The following KAZN variants were observed in gnomAD, a reference collection of about 807,000 sequenced individuals.
KAZN encodes the protein kazrin, periplakin interacting protein, also known as kazrin.
KAZN carries 40 observed loss-of-function variants against 87.4 expected under a neutral mutation model. The observed-to-expected ratio is 0.46, with a 90% CI of 0.36 to 0.60. The LOEUF is 0.60. Among genes scored for constraint, KAZN ranks in the 20% least tolerant of loss-of-function variants. The pLI, the probability that KAZN is intolerant of heterozygous loss-of-function variation, is 0.00. For synonymous variants in KAZN, 466 were observed against 458.3 expected (o/e 1.02, Z -0.22); for missense variants, 898 against 1,073.9 (o/e 0.84, Z 2.29).
chr1:14,427,406 A>G (rs1354464444), intron 2 of KAZN, among the ~76,000 whole-genome samples: 1 of 152,226 alleles, frequency 6.6e-6, no homozygotes, highest in Non-Finnish European at 1.5e-5. Flanking sequence ...AAGATTGCCT[A>G]ATATGGAGTA....
At chr1:15,059,189 C>G (rs563065753) in intron 5 of KAZN, among the ~76,000 whole-genome samples, 1 of 151,654 alleles carries the variant, frequency 6.6e-6, no homozygotes, top group Non-Finnish European at 1.5e-5. Flanking sequence ...CTCCCTCTTC[C>G]GCCTCCCGAA....
chr1:14,346,475 G>A (rs943972950), intron 2 of KAZN, among the ~76,000 whole-genome samples: 2 of 152,086 alleles, frequency 1.3e-5, no homozygotes, highest in African/African-American at 4.8e-5. Context: ...GGAAAGCTTG[G>A]CAAGATAAGA....
At chr1:14,835,012 T>C (rs1054255848) in intron 1 of KAZN, among the ~76,000 whole-genome samples, 12 of 152,232 alleles carry the variant, frequency 7.9e-5, no homozygotes, top group African/African-American at 2.9e-4. Flanking sequence ...TGTGTTTCTG[T>C]GTTCAGTTAA....
chr1:14,257,795 G>T, intron 2 of KAZN, among the ~76,000 whole-genome samples: 1 of 106,382 alleles, frequency 9.4e-6, no homozygotes, highest in Non-Finnish European at 1.8e-5. Flanking sequence ...GACTGTGGTG[G>T]GGTCGGGGGA....
intron 2 of KAZN, among the ~76,000 whole-genome samples, chr1:15,012,109 A>C (rs962825474): frequency 6.6e-6 from 1 of 152,148 alleles, no homozygotes; most frequent in Non-Finnish European, 1.5e-5. Flanking sequence ...AGGAGCTGCT[A>C]CCATTCCTCG....
intron 2 of KAZN, among the ~76,000 whole-genome samples, chr1:14,540,227 G>A (rs1048610663): frequency 1.3e-5 from 2 of 152,170 alleles, no homozygotes; most frequent in Non-Finnish European, 2.9e-5. Context: ...GTTTTTATGA[G>A]ACCATACGGT....
intron 2 of KAZN, among the ~76,000 whole-genome samples, chr1:14,991,868 A>C (rs1485286843): frequency 6.6e-6 from 1 of 152,220 alleles, no homozygotes; most frequent in East Asian, 1.9e-4. Flanking sequence ...GAGACAGAAC[A>C]TGAGAGGTTC....
At chr1:14,850,404 G>C (rs1452574930) in intron 1 of KAZN, among the ~76,000 whole-genome samples, 1 of 152,138 alleles carries the variant, frequency 6.6e-6, no homozygotes, top group Admixed American at 6.5e-5. Flanking sequence ...TTAAGGCAAA[G>C]AGACTGTATC....
At chr1:14,360,445 A>G (rs1412037893) in intron 2 of KAZN, among the ~76,000 whole-genome samples, 1 of 152,156 alleles carries the variant, frequency 6.6e-6, no homozygotes, top group Non-Finnish European at 1.5e-5. Context: ...ACTTCTGTCA[A>G]TTCATCAAAC....
chr1:14,142,102 C>T (rs1161564937), intron 1 of KAZN, among the ~76,000 whole-genome samples: 1 of 143,702 alleles, frequency 7.0e-6, no homozygotes, highest in East Asian at 2.3e-4. Flanking sequence ...TTTCCTCCCT[C>T]CTTCCCTTTT....
intron 1 of KAZN, among the ~76,000 whole-genome samples, chr1:13,916,023 T>C (rs1425335297): frequency 1.3e-5 from 2 of 151,382 alleles, no homozygotes; most frequent in East Asian, 3.9e-4. Context: ...GGCCGGGGAG[T>C]GGGGGTTCAG....
intron 1 of KAZN, among the ~76,000 whole-genome samples, chr1:13,925,161 G>A (rs756364607): frequency 2.6e-5 from 4 of 152,288 alleles, no homozygotes; most frequent in South Asian, 2.1e-4. Context: ...ATTTCACAGC[G>A]ATGGGATCAT....
intron 1 of KAZN, among the ~76,000 whole-genome samples, chr1:13,920,509 TAAAG>T (rs1250440516): frequency 1.7e-4 from 26 of 151,982 alleles, no homozygotes; most frequent in Admixed American, 1.6e-3. Flanking sequence ...TTGTAAGAGT[TAAAG>T]AAAGAAGAAA....
intron 1 of KAZN, among the ~76,000 whole-genome samples, chr1:14,071,328 G>T (rs1462280017): frequency 6.6e-6 from 1 of 152,116 alleles, no homozygotes; most frequent in Non-Finnish European, 1.5e-5. Flanking sequence ...CCTTGGGCTG[G>T]AGTCTGGGGG....
intron 1 of KAZN, among the ~76,000 whole-genome samples, chr1:14,039,069 G>C (rs1399127352): frequency 6.6e-6 from 1 of 151,968 alleles, no homozygotes; most frequent in African/African-American, 2.4e-5. Flanking sequence ...TACTCGGGAG[G>C]CTAAGGCAAG....
chr1:14,728,024 G>T (rs1326014466), intron 1 of KAZN, among the ~76,000 whole-genome samples: 1 of 151,852 alleles, frequency 6.6e-6, no homozygotes, highest in African/African-American at 2.4e-5. Flanking sequence ...GGTGCCTCAC[G>T]CCTGTAATCC....
At chr1:14,777,376 G>A (rs1291215908) in intron 1 of KAZN, among the ~76,000 whole-genome samples, 4 of 152,142 alleles carry the variant, frequency 2.6e-5, no homozygotes, top group African/African-American at 9.7e-5. Flanking sequence ...CGTAGCTAAT[G>A]AGAGTACTAA....
intron 2 of KAZN, among the ~76,000 whole-genome samples, chr1:14,376,153 T>A (rs71629880): frequency 0.045 from 6,819 of 152,260 alleles, 153 homozygotes; most frequent in East Asian, 0.055. Flanking sequence ...CCTGTGGGAA[T>A]GTTACCATCT....
At chr1:14,921,768 C>A (rs1048319036) in intron 1 of KAZN, among the ~76,000 whole-genome samples, 1 of 152,208 alleles carries the variant, frequency 6.6e-6, no homozygotes, top group Non-Finnish European at 1.5e-5. Flanking sequence ...CTGGAGTGTG[C>A]TGGCACAATC....
Sources: gnomAD v4.1 joint callset for allele counts (sites outside exome capture counted in the v4.1 genomes callset) on GRCh38, gnomAD v4.1.1 for gene constraint, MANE v1.5 for transcripts, NCBI Gene and HGNC (gene_info 2026-07-23, HGNC 2026-07-21) for gene names.